NADSYN1: variants seen among roughly 807,000 people sequenced by gnomAD.
The protein encoded by NADSYN1 is glutamine-dependent NAD(+) synthetase.
Under a neutral mutation model 99.3 loss-of-function variants are expected in NADSYN1, and 80 were observed. That is an observed-to-expected ratio of 0.81 (90% CI 0.67 to 0.97). NADSYN1 has a LOEUF of 0.97. Among genes scored for constraint, NADSYN1 ranks in the 50% least tolerant of loss-of-function variants. The pLI, the probability that NADSYN1 is intolerant of heterozygous loss-of-function variation, is 0.00. For missense variants in NADSYN1, 859 were observed against 948.5 expected (o/e 0.91, Z 1.24); for synonymous variants, 385 against 372.1 (o/e 1.03, Z -0.40).
At position 71,476,832 on chromosome 11, in the gene NADSYN1, A is replaced by G. The variant is rs914858292; in HGVS notation, c.799-1563A>G. 4.1e-6 allele frequency: 4 copies of G among 985,688 alleles called. No homozygotes were observed. The African/African-American group carries it at 7.0e-5, about 17-fold the overall frequency. 61.1% of individuals were successfully genotyped at this position (985,688 alleles called of 1,614,324 possible). A position where few individuals can be genotyped will look rare whatever the true frequency, so the allele number is the denominator to read the frequency against. ...TTCCCGGCCCCACATCAAGCCACCAAATCGGAGTCCTCGGGGGTCTGTATA... is the reference window on the plus strand; with the variant it reads ...TTCCCGGCCCCACATCAAGCCACCAGATCGGAGTCCTCGGGGGTCTGTATA... On this transcript the variant is annotated intron_variant, in intron 9 of 20. Coordinates refer to ENST00000319023, the MANE Select transcript of NADSYN1 (RefSeq NM_018161.5).
At chr11:71,483,972 C>T (rs1293839441) in intron 14 of NADSYN1, among the ~76,000 whole-genome samples, 1 of 152,200 alleles carries the variant, frequency 6.6e-6, no homozygotes, top group Non-Finnish European at 1.5e-5. Context: ...GATTCCATTT[C>T]CATTCCATTT....
intron 16 of NADSYN1, among the ~76,000 whole-genome samples, chr11:71,486,037 C>T (rs10898193): frequency 0.23 from 35,657 of 152,046 alleles, 4,667 homozygotes; most frequent in South Asian, 0.34. Flanking sequence ...AAATACTCCC[C>T]TTCTCATATT....
intron 2 of NADSYN1, among the ~76,000 whole-genome samples, chr11:71,457,903 T>C (rs771787405): frequency 6.6e-6 from 1 of 152,302 alleles, no homozygotes; most frequent in East Asian, 1.9e-4. Context: ...AGACTCTTCT[T>C]CTAAAATAAG....
At chr11:71,472,335 C>T (rs1000576538) in intron 5 of NADSYN1, 114 bp from the exon 6 acceptor site, 2 of 870,776 alleles carry the variant, frequency 2.3e-6, no homozygotes, top group Non-Finnish European at 2.0e-6. Context: ...TTGGCAGTTC[C>T]TTTGCCAGTT....
At chr11:71,476,943 A>C (rs531237477) in intron 9 of NADSYN1, 1 of 991,334 alleles carries the variant, frequency 1.0e-6, no homozygotes, top group South Asian at 4.6e-5. Flanking sequence ...ATGTTGCCTG[A>C]GAGCTCCGTC....
intron 1 of NADSYN1, among the ~76,000 whole-genome samples, chr11:71,454,667 T>G (rs1340278176): frequency 6.6e-6 from 1 of 152,216 alleles, no homozygotes; most frequent in Non-Finnish European, 1.5e-5. Flanking sequence ...CCAAGACCAG[T>G]AAGCCGATGG....
intron 9 of NADSYN1, chr11:71,476,834 TC>T (rs1160652412): frequency 2.0e-6 from 2 of 985,700 alleles, no homozygotes; most frequent in African/African-American, 3.5e-5. Flanking sequence ...AGCCACCAAA[TC>T]GGAGTCCTCG....
chr11:71,480,916 C>T lies in NADSYN1; in HGVS notation c.998+37C>T, dbSNP rs1949702485. The stretch of plus-strand genomic sequence containing the variant: ...CTGACCCCTGGGAGGGACCTGGCGT[C>T]TGTGTGGCCACGCCCCTGGGGTGGG... On this transcript the variant is annotated intron_variant, in intron 11 of 20. Transcript: ENST00000319023. The T allele has an allele frequency of 2.5e-6, 4 of 1,609,990 alleles. No homozygotes were observed. In the South Asian group the frequency reaches 4.4e-5, roughly 18 times the overall value.
chr11:71,474,359 A>T, intron 8 of NADSYN1, 36 bp from the exon 9 acceptor site: 1 of 1,613,284 alleles, frequency 6.2e-7, no homozygotes, highest in Non-Finnish European at 8.5e-7. Flanking sequence ...TGGTGGACAC[A>T]GCTGACCACT....
chr11:71,482,352 C>T (rs1444208656), intron 13 of NADSYN1, among the ~76,000 whole-genome samples: 1 of 152,204 alleles, frequency 6.6e-6, no homozygotes, highest in African/African-American at 2.4e-5. Context: ...TATCAGACAT[C>T]ACCTTAGCAT....
chr11:71,487,765 A>C (rs1207468603), intron 16 of NADSYN1, among the ~76,000 whole-genome samples: 2 of 135,638 alleles, frequency 1.5e-5, no homozygotes, highest in Non-Finnish European at 3.1e-5. Flanking sequence ...CAGGAGGCGG[A>C]GCTGGCAGTG....
chr11:71,464,897 C>T (rs977717208), intron 5 of NADSYN1, among the ~76,000 whole-genome samples: 1 of 133,058 alleles, frequency 7.5e-6, no homozygotes, highest in Non-Finnish European at 1.6e-5. Context: ...AAAAAAAGAG[C>T]GGGGTTTTTC....
intron 9 of NADSYN1, chr11:71,477,542 A>G (rs569094136): frequency 4.4e-6 from 4 of 908,806 alleles, no homozygotes; most frequent in Non-Finnish European, 5.9e-6. Flanking sequence ...GCTGTCCCAC[A>G]CTCGTGTTTA....
intron 5 of NADSYN1, among the ~76,000 whole-genome samples, chr11:71,471,615 C>T (rs547003700): frequency 6.6e-6 from 1 of 152,286 alleles, no homozygotes; most frequent in Admixed American, 6.5e-5. Flanking sequence ...ATTTAAAATG[C>T]ATTTCGGTGC....
intron 17 of NADSYN1, 132 bp from the exon 18 acceptor site, chr11:71,491,702 G>A (rs1949780248): frequency 1.3e-6 from 1 of 773,048 alleles, no homozygotes; most frequent in Admixed American, 2.3e-5. Context: ...GCAAGCCTTG[G>A]TGACGTCCTA....
chr11:71,498,280 C>T, intron 19 of NADSYN1, 72 bp from the exon 20 acceptor site: 2 of 1,546,462 alleles, frequency 1.3e-6, no homozygotes, highest in South Asian at 1.2e-5. Flanking sequence ...TTGTATGATC[C>T]AGCATGGGAA....
rs532875991 is a variant in NADSYN1, at chr11:71,487,633, C to A, written c.1562+1985C>A. On this transcript the variant is annotated intron_variant, in intron 16 of 20. Transcript: ENST00000319023. ...GATCACAAGGTCAGGAGATCGAGAC[C>A]ATCCTGGCTAACACGGTGAAACCCT... Among the ~76,000 whole-genome samples the A allele has an allele frequency of 1.2e-3, 186 of 151,966 alleles. 1 individual carries two copies. The highest frequency in any genetic ancestry group is 2.1e-3 in the Non-Finnish European group (143 of 67,950).
At chr11:71,482,091 A>T in intron 13 of NADSYN1, 66 bp downstream of exon 13, 1 of 1,433,376 alleles carries the variant, frequency 7.0e-7, no homozygotes, top group Non-Finnish European at 9.6e-7. Context: ...TGAGTTAGGG[A>T]CCTAGGAGGG....
At chr11:71,458,924 A>G (rs1448556681) in intron 3 of NADSYN1, 1 of 221,690 alleles carries the variant, frequency 4.5e-6, no homozygotes, top group Non-Finnish European at 9.3e-6. Flanking sequence ...TAGGCTGCAT[A>G]TGTGTAGCTC....
Sources: gnomAD v4.1 joint callset for allele counts (sites outside exome capture counted in the v4.1 genomes callset) on GRCh38, gnomAD v4.1.1 for gene constraint, MANE v1.5 for transcripts, NCBI Gene and HGNC (gene_info 2026-07-23, HGNC 2026-07-21) for gene names.